The following TRERF1 variants were observed in gnomAD, a reference collection of about 807,000 sequenced individuals.
TRERF1 encodes transcriptional regulating factor 1.
A neutral mutation model predicts 122.9 loss-of-function variants in TRERF1; 27 were observed. The ratio of observed to expected loss-of-function variants is 0.22; its 90% confidence interval spans 0.16 to 0.30. The LOEUF is 0.30. Ranked by LOEUF, TRERF1 falls within the 10% of genes least tolerant of loss-of-function variation. TRERF1 has a pLI of 1.00. For missense variants in TRERF1, 1,248 were observed against 1,560.3 expected, an observed-to-expected ratio of 0.80 and a Z score of 3.37; for synonymous variants, 636 against 641.7, an observed-to-expected ratio of 0.99 and a Z score of 0.13.
chr6:42,329,337 T>C, intron 3 of TRERF1, among the ~76,000 whole-genome samples: 1 of 151,946 alleles, frequency 6.6e-6, no homozygotes, highest in Non-Finnish European at 1.5e-5. Context: ...CTCATCCCCA[T>C]CATGCCCCCT....
chr6:42,238,840 C>CAG lies in TRERF1; in HGVS notation c.2860-2430_2860-2429insCT, dbSNP rs748577246. 1.1e-3 allele frequency among the ~76,000 whole-genome samples: 148 copies of CAG among 137,290 alleles called. 1 individual carries two copies. Among genetic ancestry groups the CAG allele is most frequent in the Non-Finnish European group, 1.5e-3 (98 of 65,680 alleles). 90.1% of individuals were successfully genotyped at this position (137,290 alleles called of 152,430 possible). ...CCTGCTGAGAATCATGCATTTCACA[C>CAG]ACACACACACACACACACACACACA... On this transcript the variant is annotated intron_variant, in intron 15 of 17. Coordinates refer to ENST00000372922, the Ensembl canonical transcript of TRERF1.
Position 42,228,906 on chromosome 6 carries a change from G to A in TRERF1, c.3279-237C>T, listed in dbSNP as rs1769970630. Among the ~76,000 whole-genome samples, 2 of 152,162 alleles carry A rather than the reference G, an allele frequency of 1.3e-5. No homozygotes were observed. Among genetic ancestry groups the A allele is most frequent in the African/African-American group, 4.8e-5 (2 of 41,430 alleles). On this transcript the variant is annotated intron_variant, in intron 17 of 17. Coordinates refer to ENST00000372922, the Ensembl canonical transcript of TRERF1. This position sits in a 1 kb window ranked among gnomAD's most constrained non-coding sequence, Gnocchi z 4.2. Reference sequence around the variant, plus strand: ...CCTCAGGCTTCCTTCCTGTGACAATGGAGGAGGAATTCTCAAAGGCCTCCT... The same window carrying A: ...CCTCAGGCTTCCTTCCTGTGACAATAGAGGAGGAATTCTCAAAGGCCTCCT...
chr6:42,269,616 C>CA lies in TRERF1; in HGVS notation c.-27dup, dbSNP rs767787770. ...GCTGTCTGCCTTGGTTGTGAACGTC[C>CA]AGCCACAAAACCATAAAAAAGGTAA... On this transcript the variant is annotated 5_prime_UTR_variant, in exon 5 of 18. Transcript: ENST00000372922. The surrounding 1 kb of genome is among the most constrained non-coding windows in gnomAD (Gnocchi z 4.9). 1.2e-5 allele frequency: 20 copies of CA among 1,603,012 alleles called. 1 individual carries two copies. In the South Asian group the frequency reaches 2.2e-4, roughly 18 times the overall value.
In TRERF1 at chr6:42,291,797, G is replaced by C. The variant is rs533469846; in HGVS notation, c.-259+8841C>G. 2.0e-5 allele frequency among the ~76,000 whole-genome samples: 3 copies of C among 151,742 alleles called. No homozygotes were observed. In the South Asian group the frequency reaches 6.3e-4, roughly 32 times the overall value. On this transcript the variant is annotated intron_variant, in intron 4 of 17. Coordinates refer to ENST00000372922, the Ensembl canonical transcript of TRERF1. ...CCTGACCTCATGATCCACCCGCCTC[G>C]GCCTCCCAAAGTGCTGGGATTACAG...
At chr6:42,342,011 CTTAA>C (rs576077316) in intron 3 of TRERF1, among the ~76,000 whole-genome samples, 104 of 152,336 alleles carry the variant, frequency 6.8e-4, no homozygotes, top group African/African-American at 2.4e-3. Flanking sequence ...AATCATTTTA[CTTAA>C]TTAAACAAAT....
At chr6:42,365,389 T>C (rs2073265341) in intron 2 of TRERF1, among the ~76,000 whole-genome samples, 1 of 152,140 alleles carries the variant, frequency 6.6e-6, no homozygotes, top group Non-Finnish European at 1.5e-5. Context: ...TTCCTAAAGC[T>C]GAATTCAAAG....
intron 16 of TRERF1, among the ~76,000 whole-genome samples, chr6:42,234,364 A>C (rs1582432249): frequency 6.7e-6 from 1 of 148,358 alleles, no homozygotes; most frequent in Non-Finnish European, 1.5e-5. Flanking sequence ...TTTCAGATGG[A>C]GTCTCACTCT....
chr6:42,253,580 C>T (rs1776215554), intron 13 of TRERF1, among the ~76,000 whole-genome samples: 1 of 152,190 alleles, frequency 6.6e-6, no homozygotes. Flanking sequence ...AAGCTGGCTC[C>T]TTTAGGCCAC....
intron 2 of TRERF1, among the ~76,000 whole-genome samples, chr6:42,444,686 A>T (rs1342074257): frequency 6.6e-6 from 1 of 151,764 alleles, no homozygotes; most frequent in Non-Finnish European, 1.5e-5. Flanking sequence ...TGCTCAACTG[A>T]CCCAACTCGT....
chr6:42,284,967 CT>C lies in TRERF1; in HGVS notation c.-258-15120del, dbSNP rs962600831. 1.1e-3 allele frequency among the ~76,000 whole-genome samples: 170 copies of C among 149,296 alleles called. 2 individuals carry two copies. The highest frequency in any genetic ancestry group is 3.8e-3 in the African/African-American group (155 of 40,644). On this transcript the variant is annotated intron_variant, in intron 4 of 17. Coordinates refer to ENST00000372922, the Ensembl canonical transcript of TRERF1. Reference sequence around the variant, plus strand: ...AAAACATTTTCTGAAGTAAGCAGACCTTTTTTTTTTCAAAGGTCCTCAAGGT... The same window carrying C: ...AAAACATTTTCTGAAGTAAGCAGACCTTTTTTTTTCAAAGGTCCTCAAGGT...
At chr6:42,305,823 A>G (rs1428630428) in intron 3 of TRERF1, among the ~76,000 whole-genome samples, 2 of 152,134 alleles carry the variant, frequency 1.3e-5, no homozygotes, top group Non-Finnish European at 2.9e-5. Flanking sequence ...TCTGAGAAAC[A>G]GTGCAGAGAG....
At chr6:42,331,514 C>T (rs944371896) in intron 3 of TRERF1, among the ~76,000 whole-genome samples, 1 of 152,218 alleles carries the variant, frequency 6.6e-6, no homozygotes, top group African/African-American at 2.4e-5. Context: ...AACTAGGTCA[C>T]CCCAAGTACC....
At chr6:42,320,777 T>C (rs2150449999) in intron 3 of TRERF1, among the ~76,000 whole-genome samples, 1 of 152,342 alleles carries the variant, frequency 6.6e-6, no homozygotes, top group South Asian at 2.1e-4. Flanking sequence ...CCCAAAGTGC[T>C]GGAATTACAT....
chr6:42,296,036 GAGCAGTAATGCC>G (rs1384689435), intron 4 of TRERF1, among the ~76,000 whole-genome samples: 11 of 152,128 alleles, frequency 7.2e-5, no homozygotes, highest in Non-Finnish European at 1.6e-4. Flanking sequence ...TGTGTCCTCA[GAGCAGTAATGCC>G]ATCCCTTGAT....
In TRERF1 at chr6:42,393,958, C is replaced by A. The variant is rs1778161761; in HGVS notation, c.-453-30879G>T. ...AGACTGGGATGTAAACTTCCAAATC[C>A]TCACACTGGTTTCTTCCAGAAAGAT... On this transcript the variant is annotated intron_variant, in intron 2 of 17. Coordinates refer to ENST00000372922, the Ensembl canonical transcript of TRERF1. The surrounding 1 kb of genome is among the most constrained non-coding windows in gnomAD (Gnocchi z 4.1). Among the ~76,000 whole-genome samples, 1 of 151,524 alleles carries A rather than the reference C, an allele frequency of 6.6e-6. No homozygotes were observed. Among genetic ancestry groups the A allele is most frequent in the African/African-American group, 2.4e-5 (1 of 41,248 alleles).
At chr6:42,439,311 A>G (rs988874888) in intron 2 of TRERF1, among the ~76,000 whole-genome samples, 2 of 152,072 alleles carry the variant, frequency 1.3e-5, no homozygotes, top group African/African-American at 4.8e-5. Context: ...TCCCTGCCCA[A>G]TCCCTGCTCA....
intron 7 of TRERF1, 69 bp downstream of exon 7, chr6:42,264,631 CTCTG>C (rs1476688519): frequency 1.1e-5 from 17 of 1,573,492 alleles, no homozygotes; most frequent in Non-Finnish European, 1.1e-5. Context: ...TCACATCACT[CTCTG>C]TCTGACGGCA....
intron 3 of TRERF1, among the ~76,000 whole-genome samples, chr6:42,315,494 C>T (rs765734509): frequency 5.3e-4 from 80 of 152,060 alleles, no homozygotes; most frequent in Non-Finnish European, 8.7e-4. Context: ...AAGAGAAGGG[C>T]GCTAGGATCG....
At chr6:42,262,432 G>T (rs1400550964) in intron 8 of TRERF1, among the ~76,000 whole-genome samples, 1 of 47,114 alleles carries the variant, frequency 2.1e-5, no homozygotes, top group Non-Finnish European at 4.3e-5. Context: ...ATTCCCTAGG[G>T]GCAGAGAGAG....
Sources: gnomAD v4.1 joint callset for allele counts (sites outside exome capture counted in the v4.1 genomes callset) on GRCh38, gnomAD v4.1.1 for gene constraint, Gnocchi (gnomAD v3.1) non-coding constraint, MANE v1.5 for transcripts, NCBI Gene and HGNC (gene_info 2026-07-23, HGNC 2026-07-21) for gene names.